The following YJU2 variants were observed in gnomAD, a reference collection of about 807,000 sequenced individuals.
YJU2 encodes the protein splicing factor YJU2.
YJU2 carries 28 observed loss-of-function variants against 39.6 expected under a neutral mutation model. The ratio of observed to expected loss-of-function variants is 0.71; its 90% CI spans 0.52 to 0.97. The LOEUF is 0.97. Ranked by LOEUF, YJU2 falls within the 50% of genes least tolerant of loss-of-function variation. The pLI is 0.00. For synonymous variants in YJU2, 184 were observed against 182.4 expected, an observed-to-expected ratio of 1.01 and a Z score of -0.07; for missense variants, 328 against 430.4, an observed-to-expected ratio of 0.76 and a Z score of 2.11.
intron 6 of YJU2, among the ~76,000 whole-genome samples, chr19:4,263,902 C>G (rs1414857508): frequency 2.0e-5 from 3 of 151,428 alleles, no homozygotes; most frequent in Non-Finnish European, 4.4e-5. Context: ...CTCAGCCACT[C>G]TGGTTTGTTC....
chr19:4,252,930 AAAAC>A (rs1203750170), intron 3 of YJU2, among the ~76,000 whole-genome samples: 1 of 152,056 alleles, frequency 6.6e-6, no homozygotes, highest in Non-Finnish European at 1.5e-5. Context: ...TGTCTGCAAA[AAAAC>A]AAACAAAAAC....
intron 1 of YJU2, among the ~76,000 whole-genome samples, chr19:4,247,608 T>C (rs1484351669): frequency 0.023 from 202 of 8,786 alleles, 27 homozygotes; most frequent in South Asian, 0.048. Context: ...TGTGTGTGTG[T>C]GTGTGTGTGT....
intron 5 of YJU2, among the ~76,000 whole-genome samples, chr19:4,261,736 G>A (rs552638775): frequency 1.3e-5 from 2 of 152,214 alleles, no homozygotes; most frequent in Admixed American, 1.3e-4. Flanking sequence ...AGCTGAGTGG[G>A]GAGGATCGCT....
rs751566359 is a variant in YJU2, at chr19:4,267,737, C to A, written c.822C>A (p.Asp274Glu). Residue 274 changes from aspartate (D) to glutamate (E), a missense_variant, in exon 7 of 8, where the codon GAC becomes GAA. Physicochemically the swap from Asp to Glu is conservative, Grantham distance 45. Coordinates refer to ENST00000262962, the MANE Select transcript of YJU2 (RefSeq NM_018074.6). ...VVVKKAKADP[D>E]CSNGQPQAAP... Reference sequence around the variant, plus strand: ...TGAAGAAGGCAAAGGCCGACCCGGACTGCAGCAACGGGCAGCCTCAGGCGG... The same window carrying A: ...TGAAGAAGGCAAAGGCCGACCCGGAATGCAGCAACGGGCAGCCTCAGGCGG... 6.2e-7 allele frequency: 1 copy of A among 1,613,016 alleles called. No individual in the cohort carries two copies. The highest frequency in any genetic ancestry group is 8.5e-7 in the Non-Finnish European group (1 of 1,179,838).
At chr19:4,247,310 T>A in intron 1 of YJU2, 140 bp downstream of exon 1, 1 of 674,910 alleles carries the variant, frequency 1.5e-6, no homozygotes, top group Middle Eastern at 4.2e-4. Context: ...CCCAGACTCC[T>A]CCCTAGACTC....
At chr19:4,252,135 C>T (rs950364084) in intron 3 of YJU2, among the ~76,000 whole-genome samples, 4 of 151,876 alleles carry the variant, frequency 2.6e-5, no homozygotes, top group African/African-American at 7.3e-5. Flanking sequence ...TCTTTGAATA[C>T]TTTTTTGCCA....
chr19:4,263,084 A>C (rs991657703), intron 6 of YJU2, among the ~76,000 whole-genome samples: 1 of 151,848 alleles, frequency 6.6e-6, no homozygotes, highest in East Asian at 1.9e-4. Context: ...AAAAAAAAAA[A>C]AAAAAAAACT....
intron 5 of YJU2, among the ~76,000 whole-genome samples, chr19:4,259,072 T>A: frequency 1.2e-5 from 1 of 86,444 alleles, no homozygotes; most frequent in Non-Finnish European, 2.1e-5. Flanking sequence ...AACACTTTTC[T>A]TTTTTTTTTT....
chr19:4,258,281 G>A lies in YJU2; in HGVS notation c.445G>A (p.Glu149Lys), dbSNP rs1256515945. The change falls in exon 5 of 8, where the codon GAG becomes AAG. Residue 149 changes from glutamate to lysine, a missense_variant. Glu to Lys is a moderately conservative substitution (Grantham distance 56). This residue lies in a region of YJU2 where 244 missense variants were observed against 264.6 expected (regional missense o/e 0.92). Coordinates refer to ENST00000262962, the MANE Select transcript of YJU2 (RefSeq NM_018074.6). Reference sequence around the variant, plus strand: ...GACCAAGGACTCCAAGCTGGAGATGGAGGTGCTGGAGAACCTCCAGGAGCT... The same window carrying A: ...GACCAAGGACTCCAAGCTGGAGATGAAGGTGCTGGAGAACCTCCAGGAGCT... ...NRTKDSKLEM[E>K]VLENLQELKD... The A allele has an allele frequency of 1.3e-6, 2 of 1,558,964 alleles. No homozygotes were observed. The highest frequency in any genetic ancestry group is 3.9e-5 in the Admixed American group (2 of 51,170).
At chr19:4,264,431 C>A (rs1451692641) in intron 6 of YJU2, among the ~76,000 whole-genome samples, 1 of 151,308 alleles carries the variant, frequency 6.6e-6, no homozygotes, top group African/African-American at 2.4e-5. Flanking sequence ...CCTCAGTCTC[C>A]TGAGCAGCTG....
chr19:4,268,589 C>A lies in YJU2; in HGVS notation c.865C>A (p.Pro289Thr), dbSNP rs569774881. 8 of 1,610,954 alleles carry A rather than the reference C, an allele frequency of 5.0e-6. No individual in the cohort carries two copies. In the South Asian group the frequency reaches 8.8e-5, roughly 18 times the overall value. The change falls in exon 8 of 8, where the codon CCG (proline) becomes ACG (threonine). Residue 289 changes from proline (P) to threonine (T), a missense_variant. Physicochemically the swap from Pro to Thr is conservative, Grantham distance 38 (BLOSUM62 -1). Around this residue, in one of 2 missense-constraint regions of YJU2, gnomAD observed 244 missense variants for 264.6 expected, o/e 0.92. Coordinates refer to ENST00000262962, the MANE Select transcript of YJU2 (RefSeq NM_018074.6). ...QPQAAPTPGA[P>T]QNRKEANPTP... ...AACTCTCGCTCTCCCACCAGGAGCC[C>A]CGCAGAACAGGAAGGAGGCCAACCC...
intron 5 of YJU2, 113 bp from the exon 6 acceptor site, chr19:4,261,881 T>A: frequency 5.1e-6 from 5 of 971,948 alleles, no homozygotes; most frequent in Non-Finnish European, 3.0e-6. Flanking sequence ...CCCTGCTCAC[T>A]GAGGGCAGGA....
In YJU2 at chr19:4,254,521, C is replaced by T. The variant is rs146468124; in HGVS notation, c.405+32C>T. ...CGGGGGCCATGTAGGTGTTCATGGG[C>T]GCTGTGTGTGTGGGTGTGTGTGTGT... On this transcript the variant is annotated intron_variant, in intron 4 of 7. Transcript: ENST00000262962. The T allele has an allele frequency of 1.8e-3, 2,777 of 1,544,258 alleles. 58 individuals carry two copies. In the African/African-American group the frequency reaches 0.033, roughly 19 times the overall value.
chr19:4,262,090 C>T lies in YJU2; in HGVS notation c.684C>T (p.Pro228=), dbSNP rs760571709. 6.2e-7 allele frequency: 1 copy of T among 1,611,260 alleles called. No individual in the cohort carries two copies. The highest frequency in any genetic ancestry group is 1.1e-5 in the South Asian group (1 of 91,070). The change falls in exon 6 of 8, where the codon CCC becomes CCT. Residue 228 remains proline (P), a synonymous_variant. Coordinates refer to ENST00000262962, the MANE Select transcript of YJU2 (RefSeq NM_018074.6). ...APSPLQPALR[P]NPTAILDEAP... ...CGCCCCTGCAGCCAGCCCTTCGGCCCAACCCCACCGCCATCCTGGATGAGG... is the reference window on the plus strand; with the variant it reads ...CGCCCCTGCAGCCAGCCCTTCGGCCTAACCCCACCGCCATCCTGGATGAGG...
At chr19:4,250,575 G>T (rs1186229320) in intron 2 of YJU2, among the ~76,000 whole-genome samples, 1 of 152,072 alleles carries the variant, frequency 6.6e-6, no homozygotes, top group African/African-American at 2.4e-5. Context: ...GAGACTGTAG[G>T]AGCAGAGGCC....
chr19:4,247,807 G>C (rs977637382), intron 1 of YJU2, among the ~76,000 whole-genome samples: 4 of 151,924 alleles, frequency 2.6e-5, no homozygotes, highest in African/African-American at 9.7e-5. Context: ...CAGTGGCCAA[G>C]ATTCCAGACT....
rs527781905 is a variant in YJU2, at chr19:4,248,643, G to C, written c.25-585G>C. On this transcript the variant is annotated intron_variant, in intron 1 of 7. Transcript: ENST00000262962. ...AAGCTTAACCTCTACAAAGGGCAGG[G>C]CATGATGGCTCACGTGTGTAATACC... Among the ~76,000 whole-genome samples the C allele has an allele frequency of 2.0e-5, 3 of 152,312 alleles. No individual in the cohort carries two copies. In the East Asian group the frequency reaches 5.8e-4, roughly 29 times the overall value.
rs1568359456 is a variant in YJU2, at chr19:4,247,578, G to GTGTGT, written c.24+408_24+409insTGTGT. The stretch of plus-strand genomic sequence containing the variant: ...TACTTTGGGTGGGGTGGGGTGGGGT[G>GTGTGT]GCGCGTGTGTGTGTGTGTGTGTGTG... On this transcript the variant is annotated intron_variant, in intron 1 of 7. Coordinates refer to ENST00000262962, the MANE Select transcript of YJU2 (RefSeq NM_018074.6). Among the ~76,000 whole-genome samples, 4 of 82,008 alleles carry GTGTGT rather than the reference G, an allele frequency of 4.9e-5. 1 individual carries two copies. The highest frequency in any genetic ancestry group is 1.4e-4 in the African/African-American group (2 of 14,106). 53.8% of individuals were successfully genotyped at this position (82,008 alleles called of 152,430 possible). A position where few individuals can be genotyped will look rare whatever the true frequency, so the allele number is the denominator to read the frequency against.
chr19:4,249,792 C>T (rs1970961097), intron 2 of YJU2, among the ~76,000 whole-genome samples: 1 of 151,910 alleles, frequency 6.6e-6, no homozygotes, highest in Non-Finnish European at 1.5e-5. Context: ...CTGCAACCTC[C>T]ACCTCCTGGC....
Sources: gnomAD v4.1 joint callset for allele counts (sites outside exome capture counted in the v4.1 genomes callset) on GRCh38, gnomAD v4.1.1 for gene constraint, gnomAD v4.1.1 regional missense constraint, MANE v1.5 for transcripts, NCBI Gene and HGNC (gene_info 2026-07-23, HGNC 2026-07-21) for gene names.